Variants in CNTN5 observed in about 807,000 individuals in gnomAD.
CNTN5 encodes the protein contactin 5, also known as contactin-5.
A neutral mutation model predicts 129.1 loss-of-function variants in CNTN5; 77 were observed. The ratio of observed to expected loss-of-function variants is 0.60; its 90% CI spans 0.50 to 0.72. CNTN5 has a LOEUF of 0.72. Ranked by LOEUF, CNTN5 falls within the 30% of genes least tolerant of loss-of-function variation. CNTN5 has a pLI of 0.00. For missense variants in CNTN5, 1,478 were observed against 1,328.8 expected (o/e 1.11, Z -1.75); for synonymous variants, 509 against 465.6 (o/e 1.09, Z -1.20).
intron 8 of CNTN5, among the ~76,000 whole-genome samples, chr11:99,964,205 G>T (rs1295359339): frequency 6.6e-6 from 1 of 152,116 alleles, no homozygotes; most frequent in Non-Finnish European, 1.5e-5. Context: ...ATGTTGAATA[G>T]GAGTGGTGAG....
At position 99,849,839 on chromosome 11, in the gene CNTN5, G is replaced by A. The variant is rs540988498; in HGVS notation, c.577+4577G>A. Among the ~76,000 whole-genome samples, 45 of 152,096 alleles carry A rather than the reference G, an allele frequency of 3.0e-4. 1 individual carries two copies. The highest frequency in any genetic ancestry group is 9.9e-4 in the African/African-American group (41 of 41,516). On this transcript the variant is annotated intron_variant, in intron 6 of 24. Coordinates refer to ENST00000524871, the MANE Select transcript of CNTN5 (RefSeq NM_014361.4). ...TGATAACTCTAATTTAACCCTAATA[G>A]TACTCAATCTTTCCCTATTCCAGTA...
At chr11:99,025,350 A>G (rs1185596891) in intron 1 of CNTN5, among the ~76,000 whole-genome samples, 1 of 151,918 alleles carries the variant, frequency 6.6e-6, no homozygotes, top group African/African-American at 2.4e-5. Flanking sequence ...TATTTCATTT[A>G]TCTGAATGAT....
chr11:100,290,228 C>A (rs10791300), intron 18 of CNTN5, among the ~76,000 whole-genome samples: 84,938 of 150,460 alleles, frequency 0.56, 24,281 homozygotes, highest in African/African-American at 0.61. Flanking sequence ...GCTACCAATG[C>A]CTTTCTTCAC....
chr11:99,899,583 T>C (rs898091864), intron 6 of CNTN5, among the ~76,000 whole-genome samples: 3 of 152,052 alleles, frequency 2.0e-5, no homozygotes, highest in African/African-American at 2.4e-5. Context: ...GCACATTTGA[T>C]CATGGCAAAT....
intron 3 of CNTN5, among the ~76,000 whole-genome samples, chr11:99,708,319 A>C (rs1197909226): frequency 4.0e-5 from 6 of 151,764 alleles, no homozygotes; most frequent in Non-Finnish European, 8.8e-5. Context: ...TATATTAGAG[A>C]TGCATTAAAT....
intron 13 of CNTN5, among the ~76,000 whole-genome samples, chr11:100,081,769 C>T (rs1381416985): frequency 5.3e-5 from 8 of 152,102 alleles, no homozygotes; most frequent in African/African-American, 1.4e-4. Flanking sequence ...CCTCTAGATA[C>T]GACTAAGGAC....
chr11:100,247,564 C>T (rs778980451), intron 16 of CNTN5, among the ~76,000 whole-genome samples: 3 of 152,040 alleles, frequency 2.0e-5, no homozygotes, highest in South Asian at 4.1e-4. Context: ...GAAGGAATGA[C>T]CCAATCCCAC....
chr11:99,301,789 C>G (rs1175745439), intron 1 of CNTN5, among the ~76,000 whole-genome samples: 3 of 151,670 alleles, frequency 2.0e-5, no homozygotes, highest in Non-Finnish European at 4.4e-5. Context: ...GTGCACTCTT[C>G]TTAATGTACA....
chr11:99,241,108 CT>C (rs1350536483), intron 1 of CNTN5, among the ~76,000 whole-genome samples: 1 of 152,024 alleles, frequency 6.6e-6, no homozygotes, highest in Non-Finnish European at 1.5e-5. Context: ...TAGAATTAAT[CT>C]TTCTTTGTTT....
rs958516171 is a variant in CNTN5, at chr11:99,064,195, C to G, written c.-210+42925C>G. Among the ~76,000 whole-genome samples, 158 of 152,076 alleles carry G rather than the reference C, an allele frequency of 1.0e-3. 2 individuals are homozygous for G. The highest frequency in any genetic ancestry group is 4.4e-5 in the Non-Finnish European group (3 of 67,972). On this transcript the variant is annotated intron_variant, in intron 1 of 24. Transcript: ENST00000524871. ...TTGTTGCTTTGCAGCTCTCCACAAC[C>G]AAGTTACATCATTTTCACTCTTCTG... is the stretch of plus-strand genomic sequence containing the variant.
At chr11:100,306,069 G>A (rs1951341612) in intron 20 of CNTN5, among the ~76,000 whole-genome samples, 1 of 151,342 alleles carries the variant, frequency 6.6e-6, no homozygotes, top group Non-Finnish European at 1.5e-5. Flanking sequence ...TAGATTAAGA[G>A]GGTGAAAAAA....
chr11:100,068,251 T>C (rs939335403), intron 10 of CNTN5, among the ~76,000 whole-genome samples: 6 of 152,108 alleles, frequency 3.9e-5, no homozygotes, highest in African/African-American at 7.2e-5. Context: ...AAATAACAAT[T>C]TAAGTCAGCA....
At chr11:99,327,117 C>G (rs1424284872) in intron 2 of CNTN5, among the ~76,000 whole-genome samples, 1 of 151,980 alleles carries the variant, frequency 6.6e-6, no homozygotes, top group African/African-American at 2.4e-5. Flanking sequence ...AATCTAAGCA[C>G]CTTAATTGAA....
At chr11:99,250,988 A>T (rs1188473311) in intron 1 of CNTN5, among the ~76,000 whole-genome samples, 4 of 151,926 alleles carry the variant, frequency 2.6e-5, no homozygotes, top group African/African-American at 9.7e-5. Context: ...TAGACTTGGG[A>T]AAAGAAACTA....
intron 17 of CNTN5, among the ~76,000 whole-genome samples, chr11:100,265,505 A>G (rs1446750248): frequency 6.6e-6 from 1 of 152,118 alleles, no homozygotes; most frequent in Non-Finnish European, 1.5e-5. Flanking sequence ...CCTCATTCTA[A>G]ATTAATTTCA....
intron 1 of CNTN5, among the ~76,000 whole-genome samples, chr11:99,228,944 A>T (rs1163477649): frequency 6.6e-6 from 1 of 151,576 alleles, no homozygotes; most frequent in Non-Finnish European, 1.5e-5. Context: ...TTTTGCCTTT[A>T]TATTTTATCC....
intron 6 of CNTN5, among the ~76,000 whole-genome samples, chr11:99,912,988 A>G (rs1458199292): frequency 6.6e-6 from 1 of 151,966 alleles, no homozygotes; most frequent in Non-Finnish European, 1.5e-5. Context: ...ACGAACATGT[A>G]TTTTTGACCT....
chr11:100,078,695 G>C (rs1225973454), intron 13 of CNTN5, among the ~76,000 whole-genome samples: 3 of 152,088 alleles, frequency 2.0e-5, no homozygotes, highest in Non-Finnish European at 4.4e-5. Context: ...TGATTGGGTT[G>C]TGAGAATTAA....
At chr11:99,636,817 G>C (rs11220769) in intron 3 of CNTN5, among the ~76,000 whole-genome samples, 89,866 of 149,552 alleles carry the variant, frequency 0.6, 27,867 homozygotes, top group Admixed American at 0.69. Flanking sequence ...AGATCAGGAC[G>C]ATCCTGGCCA....
Sources: gnomAD v4.1 joint callset for allele counts (sites outside exome capture counted in the v4.1 genomes callset) on GRCh38, gnomAD v4.1.1 for gene constraint, MANE v1.5 for transcripts, NCBI Gene and HGNC (gene_info 2026-07-23, HGNC 2026-07-21) for gene names.